Variants in HSPA12A observed in about 807,000 individuals in gnomAD.
The protein encoded by HSPA12A is heat shock 70 kDa protein 12A.
Under a neutral mutation model 69.2 loss-of-function variants are expected in HSPA12A, and 28 were observed. The ratio of observed to expected loss-of-function variants is 0.40; its 90% CI spans 0.30 to 0.55. The LOEUF is 0.55. HSPA12A is among the 20% of genes least tolerant of loss of function. The pLI is 0.38. For missense variants in HSPA12A, 686 were observed against 900.7 expected, an observed-to-expected ratio of 0.76 and a Z score of 3.05; for synonymous variants, 345 against 370.5, an observed-to-expected ratio of 0.93 and a Z score of 0.79.
intron 1 of HSPA12A, among the ~76,000 whole-genome samples, chr10:116,845,572 T>A (rs982661958): frequency 6.6e-5 from 10 of 152,182 alleles, no homozygotes; most frequent in Non-Finnish European, 1.5e-4. Flanking sequence ...TCCGTGGATA[T>A]GTTCCAGGAA....
At chr10:116,839,782 C>T (rs1011484010) in intron 1 of HSPA12A, among the ~76,000 whole-genome samples, 7 of 152,044 alleles carry the variant, frequency 4.6e-5, no homozygotes, top group Non-Finnish European at 7.4e-5. Context: ...ACTGCATGAT[C>T]GTAAACATAG....
At chr10:116,742,613 A>G, upstream of HSPA12A, 2 of 1,076,994 alleles carry the variant, frequency 1.9e-6, no homozygotes, top group Non-Finnish European at 2.2e-6. Context: ...CAGCCGCCGC[A>G]GCCACGGCTC....
At chr10:116,699,099 A>G (rs546958817) in intron 4 of HSPA12A, among the ~76,000 whole-genome samples, 1 of 151,990 alleles carries the variant, frequency 6.6e-6, no homozygotes, top group African/African-American at 2.4e-5. Flanking sequence ...CAATTTCCAC[A>G]TTCGAACACA....
upstream of HSPA12A, among the ~76,000 whole-genome samples, chr10:116,743,755 A>G (rs2133074481): frequency 6.6e-6 from 1 of 152,320 alleles, no homozygotes; most frequent in East Asian, 1.9e-4. Context: ...GAGAGCCTGG[A>G]GACCAGAAGG....
intron 2 of HSPA12A, chr10:116,828,775 A>T (rs938035361): frequency 3.9e-5 from 6 of 152,222 alleles, no homozygotes; most frequent in Admixed American, 2.6e-4. Flanking sequence ...TTAGAAAATT[A>T]CTTTTATGTA....
intron 2 of HSPA12A, among the ~76,000 whole-genome samples, chr10:116,812,054 C>T (rs905592271): frequency 4.6e-5 from 7 of 152,134 alleles, no homozygotes; most frequent in East Asian, 1.9e-4. Context: ...GAGTGGGAGA[C>T]GGAGAGGCTT....
intron 6 of HSPA12A, among the ~76,000 whole-genome samples, chr10:116,685,435 G>T (rs1273789763): frequency 1.3e-5 from 2 of 151,508 alleles, no homozygotes; most frequent in Non-Finnish European, 2.9e-5. Context: ...TGGAGTTCGA[G>T]ACCAGCCTGG....
intron 2 of HSPA12A, among the ~76,000 whole-genome samples, chr10:116,823,881 G>A (rs1386009692): frequency 6.6e-6 from 1 of 152,250 alleles, no homozygotes; most frequent in Middle Eastern, 3.4e-3. Context: ...AAAACCACAT[G>A]CAACAAGAAA....
chr10:116,814,028 G>T (rs1845250456), intron 2 of HSPA12A, among the ~76,000 whole-genome samples: 2 of 152,142 alleles, frequency 1.3e-5, no homozygotes, highest in South Asian at 4.1e-4. Flanking sequence ...AGCCAAGAAG[G>T]ACTTTTCAAA....
chr10:116,776,018 C>T (rs1382075069), intron 2 of HSPA12A, among the ~76,000 whole-genome samples: 2 of 152,226 alleles, frequency 1.3e-5, no homozygotes, highest in Non-Finnish European at 2.9e-5. Context: ...CTGCCATCCT[C>T]TGCGTCCCCT....
chr10:116,792,566 C>T (rs910012217), intron 2 of HSPA12A, among the ~76,000 whole-genome samples: 7 of 144,642 alleles, frequency 4.8e-5, no homozygotes, highest in Non-Finnish European at 8.9e-5. Context: ...TGCTTGAGCT[C>T]AGGAGTTCAA....
chr10:116,781,609 T>C (rs1844465584), intron 2 of HSPA12A, among the ~76,000 whole-genome samples: 3 of 152,160 alleles, frequency 2.0e-5, no homozygotes, highest in African/African-American at 4.8e-5. Flanking sequence ...GAAGCCTTTT[T>C]CTCTGCCCAT....
intron 1 of HSPA12A, among the ~76,000 whole-genome samples, chr10:116,716,368 AGCTGAAAT>A (rs1215957212): frequency 1.3e-5 from 2 of 149,056 alleles, no homozygotes; most frequent in Non-Finnish European, 3.0e-5. Context: ...AGGAATGGTG[AGCTGAAAT>A]GCTGATGTTA....
In HSPA12A at chr10:116,692,369, C is replaced by T; in HGVS notation, c.645G>A (p.Met215Ile). ...CCCTCACCTGGTAGGCAGCTTGTCTCATGAACTGCTTGGCCGGCTGCTTCC... is the reference window on the plus strand; with the variant it reads ...CCCTCACCTGGTAGGCAGCTTGTCTTATGAACTGCTTGGCCGGCTGCTTCC... ...AIWKQPAKQF[M>I]RQAAYQAGLA... Residue 215 changes from methionine (M) to isoleucine (I), a missense_variant, in exon 6 of 12, where the codon ATG becomes ATA. Transcript: ENST00000369209. 1 of 1,614,120 alleles carries T rather than the reference C, an allele frequency of 6.2e-7. No individual in the cohort carries two copies. The highest frequency in any genetic ancestry group is 1.1e-5 in the South Asian group (1 of 91,070).
intron 1 of HSPA12A, among the ~76,000 whole-genome samples, chr10:116,713,688 A>G (rs1246845758): frequency 6.6e-6 from 1 of 152,186 alleles, no homozygotes; most frequent in Admixed American, 6.5e-5. Context: ...CTGCAGGTTC[A>G]TGCATTGGTC....
intron 2 of HSPA12A, among the ~76,000 whole-genome samples, chr10:116,779,944 A>T (rs1318043905): frequency 6.6e-6 from 1 of 152,144 alleles, no homozygotes; most frequent in Non-Finnish European, 1.5e-5. Flanking sequence ...AACATGGACA[A>T]GGGCTGGCCG....
chr10:116,672,619 AG>A lies in HSPA12A; in HGVS notation c.*2161del, dbSNP rs2133345722. ...ATGGAAAATTAAGGACAGTAACAAAAGTATCATCAACAAAAATCAAGCATTT... is the reference window on the plus strand; with the variant it reads ...ATGGAAAATTAAGGACAGTAACAAAATATCATCAACAAAAATCAAGCATTT... On this transcript the variant is annotated 3_prime_UTR_variant, in exon 12 of 12. Transcript: ENST00000369209. 1 of 152,774 alleles carries A rather than the reference AG, an allele frequency of 6.5e-6. No homozygotes were observed. The highest frequency in any genetic ancestry group is 1.9e-4 in the East Asian group (1 of 5,188). 9.5% of individuals were successfully genotyped at this position (152,774 alleles called of 1,614,324 possible).
At chr10:116,837,460 T>C (rs956293339) in intron 1 of HSPA12A, among the ~76,000 whole-genome samples, 1 of 152,060 alleles carries the variant, frequency 6.6e-6, no homozygotes, top group Non-Finnish European at 1.5e-5. Flanking sequence ...TATCACACTT[T>C]TATAAAAAGG....
chr10:116,822,398 C>T (rs1341451891), intron 2 of HSPA12A, among the ~76,000 whole-genome samples: 3 of 152,166 alleles, frequency 2.0e-5, no homozygotes, highest in African/African-American at 7.2e-5. Flanking sequence ...GGATTTGTGG[C>T]TTATGAACAT....
Sources: allele counts gnomAD v4.1 joint callset (sites outside exome capture counted in the v4.1 genomes callset), GRCh38; gene constraint gnomAD v4.1.1; transcripts MANE v1.5; gene names NCBI Gene and HGNC (gene_info 2026-07-23, HGNC 2026-07-21).